QDPR: variants seen among roughly 807,000 people sequenced by gnomAD.
The protein encoded by QDPR is dihydropteridine reductase.
A neutral mutation model predicts 31.7 loss-of-function variants in QDPR; 23 were observed. The ratio of observed to expected loss-of-function variants is 0.73; its 90% CI spans 0.52 to 1.03. The LOEUF (loss-of-function observed/expected upper bound fraction) is 1.03, where lower values mean the gene tolerates loss of function less well. QDPR is among the 50% of genes least tolerant of loss of function. The probability of loss-of-function intolerance (pLI) is 0.00; values close to 1 mark genes in which losing one functional copy is unlikely to be tolerated. For synonymous variants in QDPR, 124 were observed against 124.7 expected (o/e 0.99, Z 0.03); for missense variants, 324 against 323.8 (o/e 1.00, Z 0.00).
chr4:17,502,082 G>A (rs1398435971), intron 3 of QDPR, among the ~76,000 whole-genome samples: 1 of 152,146 alleles, frequency 6.6e-6, no homozygotes, highest in Non-Finnish European at 1.5e-5. Flanking sequence ...CTATACACTG[G>A]CAAAATGTTG....
chr4:17,511,783 T>G (rs1719018647), intron 1 of QDPR, among the ~76,000 whole-genome samples, 167 bp downstream of exon 1: 1 of 151,946 alleles, frequency 6.6e-6, no homozygotes, highest in Non-Finnish European at 1.5e-5. Context: ...GCGCACGCAC[T>G]CGGAAACAGG....
At chr4:17,509,719 T>TAAAAGA (rs936849363) in intron 1 of QDPR, among the ~76,000 whole-genome samples, 1 of 151,144 alleles carries the variant, frequency 6.6e-6, no homozygotes, top group Non-Finnish European at 1.5e-5. Flanking sequence ...TCCATTTAAA[T>TAAAAGA]AAAAGAAAAA....
intron 3 of QDPR, among the ~76,000 whole-genome samples, chr4:17,502,250 C>T (rs1396543571): frequency 6.6e-6 from 1 of 152,186 alleles, no homozygotes; most frequent in South Asian, 2.1e-4. Context: ...GGGCCTATTA[C>T]TGTACAGCTA....
intron 1 of QDPR, among the ~76,000 whole-genome samples, chr4:17,510,984 T>C (rs535116321): frequency 6.6e-6 from 1 of 152,340 alleles, no homozygotes; most frequent in East Asian, 1.9e-4. Context: ...ATTTGGGTGA[T>C]GGTTACACTA....
chr4:17,495,941 G>A (rs1002872676), intron 4 of QDPR, among the ~76,000 whole-genome samples: 14 of 151,992 alleles, frequency 9.2e-5, no homozygotes, highest in Non-Finnish European at 1.0e-4. Context: ...CCCCCGGGAG[G>A]TCGAGGCTGC....
At chr4:17,495,710 C>T (rs995760942) in intron 4 of QDPR, among the ~76,000 whole-genome samples, 6 of 152,122 alleles carry the variant, frequency 3.9e-5, no homozygotes, top group Non-Finnish European at 5.9e-5. Context: ...AGGTGGCAAT[C>T]AATAAATACT....
intron 4 of QDPR, among the ~76,000 whole-genome samples, chr4:17,498,641 C>T (rs1181397573): frequency 6.6e-6 from 1 of 152,232 alleles, no homozygotes; most frequent in Non-Finnish European, 1.5e-5. Context: ...TTCCAAATTA[C>T]TGAATGATCA....
intron 4 of QDPR, among the ~76,000 whole-genome samples, chr4:17,495,865 C>A (rs988655086): frequency 4.0e-5 from 6 of 151,632 alleles, no homozygotes; most frequent in African/African-American, 1.5e-4. Flanking sequence ...AGAAATTAGC[C>A]AGGTGTGATG....
chr4:17,494,356 T>C, intron 4 of QDPR, among the ~76,000 whole-genome samples: 1 of 152,142 alleles, frequency 6.6e-6, no homozygotes, highest in East Asian at 1.9e-4. Context: ...CTTATAGAGA[T>C]GATCCCAAGT....
intron 5 of QDPR, 64 bp downstream of exon 5, chr4:17,492,168 A>G (rs1718187651): frequency 1.4e-6 from 2 of 1,420,706 alleles, no homozygotes; most frequent in South Asian, 2.3e-5. Flanking sequence ...CTACAGTCAG[A>G]CAAACGGTCA....
chr4:17,506,516 C>T (rs1289180156), intron 2 of QDPR, among the ~76,000 whole-genome samples: 1 of 152,154 alleles, frequency 6.6e-6, no homozygotes. Flanking sequence ...GCCGTCAGAC[C>T]CCCACTGCCC....
rs781464601 is a variant in QDPR, at chr4:17,490,669, G to C, written c.622C>G (p.Leu208Val). Reference protein sequence around the residue: ...DFSSWTPLEFLVETFHDWITG... With the variant: ...DFSSWTPLEFVVETFHDWITG... The stretch of plus-strand genomic sequence containing the variant: ...CATGTCTGTAATACTCACTCAACTA[G>C]GAATTCTAAGGGTGTCCAGGAGCTG... The change falls in exon 6 of 7, where the codon CTA (leucine) becomes GTA (valine). Residue 208 changes from leucine to valine, a missense_variant. Coordinates refer to ENST00000281243, the MANE Select transcript of QDPR (RefSeq NM_000320.3). The C allele has an allele frequency of 6.2e-7, 1 of 1,612,860 alleles. No homozygotes were observed. Among genetic ancestry groups the C allele is most frequent in the Admixed American group, 1.7e-5 (1 of 59,990 alleles).
chr4:17,487,909 T>C (rs764358206), intron 6 of QDPR, among the ~76,000 whole-genome samples: 4 of 152,318 alleles, frequency 2.6e-5, no homozygotes, highest in Non-Finnish European at 5.9e-5. Context: ...GGATTTGGCA[T>C]AAGTTTAACT....
chr4:17,497,492 G>A (rs1378806384), intron 4 of QDPR, among the ~76,000 whole-genome samples: 1 of 144,708 alleles, frequency 6.9e-6, no homozygotes, highest in Non-Finnish European at 1.5e-5. Flanking sequence ...TGCTGCCGGA[G>A]GAGGCTCTGA....
chr4:17,509,002 CA>C (rs552527029), intron 2 of QDPR, among the ~76,000 whole-genome samples: 1 of 151,950 alleles, frequency 6.6e-6, no homozygotes, highest in Non-Finnish European at 1.5e-5. Flanking sequence ...ACTGAAAATA[CA>C]AAAAATTAGC....
In QDPR at chr4:17,487,006, G is replaced by C. The variant is rs1163543868; in HGVS notation, c.*125C>G. The C allele has an allele frequency of 2.6e-6, 2 of 778,372 alleles. No homozygotes were observed. The highest frequency in any genetic ancestry group is 4.5e-6 in the Non-Finnish European group (2 of 440,712). 48.2% of individuals were successfully genotyped at this position (778,372 alleles called of 1,614,324 possible). On this transcript the variant is annotated 3_prime_UTR_variant, in exon 7 of 7. Coordinates refer to ENST00000281243, the MANE Select transcript of QDPR (RefSeq NM_000320.3). ...GAGAGCAAATGCATATTATGTGAGAGAAAAATAGGACTCATTATCTCGTAC... is the reference window on the plus strand; with the variant it reads ...GAGAGCAAATGCATATTATGTGAGACAAAAATAGGACTCATTATCTCGTAC...
intron 5 of QDPR, among the ~76,000 whole-genome samples, chr4:17,491,066 T>C (rs1276320668): frequency 1.3e-5 from 2 of 152,230 alleles, no homozygotes; most frequent in Non-Finnish European, 1.5e-5. Flanking sequence ...AACTGCTTTG[T>C]TGCTGTGTCT....
chr4:17,492,260 G>C lies in QDPR; in HGVS notation c.517C>G (p.Pro173Ala), dbSNP rs1219263968. The change falls in exon 5 of 7, where the codon CCC becomes GCC. Residue 173 changes from proline to alanine, a missense_variant. By Grantham distance (27) the Pro-to-Ala change is conservative. Transcript: ENST00000281243. ...AGCACAGCGATGGCGGCTGCCCCGG[G>C]CGGCATGCCGCTGTTCTTCCCAGCC... ...SLAGKNSGMP[P>A]GAAAIAVLPV... 1.1e-5 allele frequency: 18 copies of C among 1,613,962 alleles called. No individual in the cohort carries two copies. Among genetic ancestry groups the C allele is most frequent in the Non-Finnish European group, 1.4e-5 (16 of 1,180,014 alleles).
Position 17,504,278 on chromosome 4 carries a change from A to T in QDPR, c.295+101T>A. ...AGCAACTGTAAAGATTCCGGGATAT[A>T]CACAAAAAAACAGCTGGCCTGTCAC... On this transcript the variant is annotated intron_variant, in intron 3 of 6. Coordinates refer to ENST00000281243, the MANE Select transcript of QDPR (RefSeq NM_000320.3). 3.2e-6 allele frequency: 3 copies of T among 947,218 alleles called. 1 individual carries two copies. The South Asian group carries it at 4.0e-5, about 13-fold the overall frequency. The allele number at this position is 947,218 out of a possible 1,614,324, so 58.7% of individuals were successfully genotyped here.
Sources: allele counts gnomAD v4.1 joint callset (sites outside exome capture counted in the v4.1 genomes callset), GRCh38; gene constraint gnomAD v4.1.1; transcripts MANE v1.5; gene names NCBI Gene and HGNC (gene_info 2026-07-23, HGNC 2026-07-21).